Variants in ZBTB7C observed in about 807,000 individuals in gnomAD.
ZBTB7C encodes the protein zinc finger and BTB domain containing 7C.
ZBTB7C carries 8 observed loss-of-function variants against 25.7 expected under a neutral mutation model. The ratio of observed to expected loss-of-function variants is 0.31; its 90% CI spans 0.18 to 0.56. ZBTB7C has a LOEUF of 0.56. Among genes scored for constraint, ZBTB7C ranks in the 20% least tolerant of loss-of-function variants. The probability of loss-of-function intolerance (pLI) is 0.91; values close to 1 mark genes in which losing one functional copy is unlikely to be tolerated. For missense variants in ZBTB7C, 824 were observed against 855.2 expected, an observed-to-expected ratio of 0.96 and a Z score of 0.46; for synonymous variants, 394 against 369.0, an observed-to-expected ratio of 1.07 and a Z score of -0.78.
intron 3 of ZBTB7C, among the ~76,000 whole-genome samples, chr18:48,117,121 A>G (rs1416895081): frequency 6.6e-6 from 1 of 152,162 alleles, no homozygotes; most frequent in African/African-American, 2.4e-5. Flanking sequence ...CCCAACAACC[A>G]AAGAAACCAC....
At chr18:48,031,622 C>T (rs1195447184) in intron 4 of ZBTB7C, among the ~76,000 whole-genome samples, 1 of 152,184 alleles carries the variant, frequency 6.6e-6, no homozygotes, top group Non-Finnish European at 1.5e-5. Flanking sequence ...CAGTGCTGGG[C>T]CCTACTCCCA....
At chr18:48,103,153 T>TATCC (rs1243999710) in intron 3 of ZBTB7C, among the ~76,000 whole-genome samples, 1 of 143,368 alleles carries the variant, frequency 7.0e-6, no homozygotes, top group Non-Finnish European at 1.5e-5. Context: ...TCTATCTATC[T>TATCC]ATCTATCTGA....
chr18:48,068,752 C>A (rs1378330692), intron 3 of ZBTB7C, among the ~76,000 whole-genome samples: 1 of 152,166 alleles, frequency 6.6e-6, no homozygotes, highest in Non-Finnish European at 1.5e-5. Context: ...CATCTCCAGA[C>A]TTAACAAGCT....
intron 3 of ZBTB7C, among the ~76,000 whole-genome samples, chr18:48,185,050 G>T (rs2042023280): frequency 6.6e-6 from 1 of 152,120 alleles, no homozygotes; most frequent in Admixed American, 6.5e-5. Flanking sequence ...ATTCCATCCT[G>T]ATTCTTTGCA....
intron 1 of ZBTB7C, among the ~76,000 whole-genome samples, chr18:48,390,545 G>A (rs1352966520): frequency 6.6e-6 from 1 of 152,180 alleles, no homozygotes; most frequent in Non-Finnish European, 1.5e-5. Flanking sequence ...GTAACACTTG[G>A]AGCCCAATTT....
chr18:48,135,124 CACTATT>C (rs775321717), intron 3 of ZBTB7C, among the ~76,000 whole-genome samples: 40 of 152,240 alleles, frequency 2.6e-4, no homozygotes, highest in Middle Eastern at 6.8e-3. Context: ...TTGAGGGTTG[CACTATT>C]ACTATTACTA....
chr18:48,201,282 A>G (rs2042439326), intron 2 of ZBTB7C, among the ~76,000 whole-genome samples: 2 of 152,308 alleles, frequency 1.3e-5, no homozygotes, highest in South Asian at 4.1e-4. Context: ...ATCAACATCA[A>G]CAACAATTAA....
chr18:48,034,786 A>G (rs1460314391), intron 4 of ZBTB7C, among the ~76,000 whole-genome samples: 1 of 152,116 alleles, frequency 6.6e-6, no homozygotes, highest in Admixed American at 6.5e-5. Flanking sequence ...CCAAGGACAT[A>G]TGCACCCAAG....
At chr18:48,144,738 C>G (rs1222669553) in intron 3 of ZBTB7C, among the ~76,000 whole-genome samples, 1 of 152,170 alleles carries the variant, frequency 6.6e-6, no homozygotes, top group African/African-American at 2.4e-5. Flanking sequence ...AAGTGTGTGT[C>G]TTTGAAGCCT....
At chr18:48,098,922 G>A (rs138110410) in intron 3 of ZBTB7C, among the ~76,000 whole-genome samples, 1 of 152,324 alleles carries the variant, frequency 6.6e-6, no homozygotes, top group East Asian at 1.9e-4. Context: ...GCCAATCAAT[G>A]TGGAGAGCAA....
chr18:48,310,018 A>G (rs1328535476), intron 2 of ZBTB7C, among the ~76,000 whole-genome samples: 1 of 152,138 alleles, frequency 6.6e-6, no homozygotes, highest in Non-Finnish European at 1.5e-5. Flanking sequence ...TCACGGGGTC[A>G]GGAGATCAAG....
chr18:48,217,716 C>A (rs2042859083), intron 2 of ZBTB7C, among the ~76,000 whole-genome samples: 1 of 152,206 alleles, frequency 6.6e-6, no homozygotes, highest in Non-Finnish European at 1.5e-5. Flanking sequence ...ACTGCCCCAA[C>A]TCACAGGGCC....
At position 48,040,820 on chromosome 18, in the gene ZBTB7C, C is replaced by T. The variant is rs527309743; in HGVS notation, c.288G>A (p.Thr96=). Residue 96 remains threonine, a synonymous_variant, in exon 4 of 5, where the codon ACG becomes ACA. Transcript: ENST00000590800. ...AAILEFAYTS[T]LTITAGNVKH... is the part of the protein sequence containing the mutation. ...TGACATTGCCAGCGGTGATGGTGAGCGTGGAGGTGTAGGCGAACTCCAGGA... is the reference window on the plus strand; with the variant it reads ...TGACATTGCCAGCGGTGATGGTGAGTGTGGAGGTGTAGGCGAACTCCAGGA... 2.5e-5 allele frequency: 41 copies of T among 1,613,946 alleles called. No homozygotes were observed. The East Asian group carries it at 3.3e-4, about 13-fold the overall frequency.
intron 2 of ZBTB7C, among the ~76,000 whole-genome samples, chr18:48,307,199 T>A (rs942841474): frequency 3.3e-5 from 5 of 152,196 alleles, no homozygotes; most frequent in South Asian, 2.1e-4. Flanking sequence ...CAGTTTCTAC[T>A]ACTATAAAAC....
chr18:48,266,436 C>G (rs1448641791), intron 2 of ZBTB7C, among the ~76,000 whole-genome samples: 1 of 152,182 alleles, frequency 6.6e-6, no homozygotes, highest in African/African-American at 2.4e-5. Flanking sequence ...ATACCACACC[C>G]CGGATGTTGG....
chr18:48,084,868 G>A (rs975951337), intron 3 of ZBTB7C, among the ~76,000 whole-genome samples: 6 of 152,108 alleles, frequency 3.9e-5, no homozygotes, highest in Non-Finnish European at 8.8e-5. Context: ...TCTGTCACCC[G>A]AACCCCTTTG....
At chr18:48,297,516 G>A (rs374605984) in intron 2 of ZBTB7C, among the ~76,000 whole-genome samples, 25 of 152,222 alleles carry the variant, frequency 1.6e-4, no homozygotes, top group East Asian at 5.8e-4. Context: ...CACCCAAAGG[G>A]AAGCAGTGCT....
chr18:48,325,891 T>C (rs1225573031), intron 2 of ZBTB7C, among the ~76,000 whole-genome samples: 1 of 152,074 alleles, frequency 6.6e-6, no homozygotes, highest in East Asian at 1.9e-4. Context: ...TTCCTACCAC[T>C]GGATTCAGGA....
At chr18:48,352,267 G>A (rs1237471689) in intron 1 of ZBTB7C, among the ~76,000 whole-genome samples, 2 of 152,226 alleles carry the variant, frequency 1.3e-5, no homozygotes, top group Non-Finnish European at 2.9e-5. Context: ...TTGGAAGGCA[G>A]AGGAACCTGA....
Sources: allele counts gnomAD v4.1 joint callset (sites outside exome capture counted in the v4.1 genomes callset), GRCh38; gene constraint gnomAD v4.1.1; transcripts MANE v1.5; gene names NCBI Gene and HGNC (gene_info 2026-07-23, HGNC 2026-07-21).